The following ARHGAP10 variants were observed in gnomAD, a reference collection of about 807,000 sequenced individuals.
ARHGAP10 encodes rho GTPase-activating protein 10.
Under a neutral mutation model 108.6 loss-of-function variants are expected in ARHGAP10, and 87 were observed. That is an observed-to-expected ratio of 0.80 (90% confidence interval 0.67 to 0.96). The LOEUF (loss-of-function observed/expected upper bound fraction) is 0.96, where lower values mean the gene tolerates loss of function less well. Ranked by LOEUF, ARHGAP10 falls within the 40% of genes least tolerant of loss-of-function variation. ARHGAP10 has a pLI of 0.00. For synonymous variants in ARHGAP10, 347 were observed against 341.1 expected (o/e 1.02, Z -0.19); for missense variants, 939 against 954.5 (o/e 0.98, Z 0.21).
At chr4:148,002,006 A>G (rs1311073224) in intron 18 of ARHGAP10, among the ~76,000 whole-genome samples, 1 of 152,176 alleles carries the variant, frequency 6.6e-6, no homozygotes, top group Non-Finnish European at 1.5e-5. Flanking sequence ...TTCAAAGGGA[A>G]TGCTTCCAGT....
intron 3 of ARHGAP10, among the ~76,000 whole-genome samples, chr4:147,824,094 C>T (rs896214205): frequency 2.1e-4 from 32 of 151,648 alleles, no homozygotes; most frequent in African/African-American, 5.8e-4. Context: ...CTGAGGCAGG[C>T]GAGTCACCTG....
chr4:147,955,718 A>T (rs960205637), intron 16 of ARHGAP10, among the ~76,000 whole-genome samples: 2 of 152,160 alleles, frequency 1.3e-5, no homozygotes, highest in African/African-American at 4.8e-5. Flanking sequence ...ATGCTGAGGG[A>T]ACACAGAAGT....
intron 1 of ARHGAP10, among the ~76,000 whole-genome samples, chr4:147,821,352 G>A (rs1732492987): frequency 1.3e-5 from 2 of 152,190 alleles, no homozygotes; most frequent in South Asian, 4.1e-4. Context: ...TGCCTGCAAG[G>A]AGGGCTGGAG....
At chr4:148,038,292 CAT>C (rs1728471036) in intron 19 of ARHGAP10, among the ~76,000 whole-genome samples, 1 of 152,138 alleles carries the variant, frequency 6.6e-6, no homozygotes, top group South Asian at 2.1e-4. Flanking sequence ...ATTTTATTGT[CAT>C]AGTATTTGCC....
intron 1 of ARHGAP10, among the ~76,000 whole-genome samples, chr4:147,741,470 T>A (rs1728653005): frequency 6.6e-6 from 1 of 152,052 alleles, no homozygotes; most frequent in Admixed American, 6.6e-5. Flanking sequence ...AAGAGAAAAA[T>A]GATGTTTGTA....
chr4:147,804,129 T>C (rs780927571), intron 1 of ARHGAP10, among the ~76,000 whole-genome samples: 1 of 152,116 alleles, frequency 6.6e-6, no homozygotes, highest in Non-Finnish European at 1.5e-5. Context: ...AATAGGTAGT[T>C]TGTTTTTGAT....
intron 8 of ARHGAP10, among the ~76,000 whole-genome samples, chr4:147,876,150 G>A (rs1735048759): frequency 1.3e-5 from 2 of 152,146 alleles, no homozygotes; most frequent in African/African-American, 4.8e-5. Context: ...GGATGGTTGT[G>A]CCTTTTCCAT....
At chr4:147,760,973 G>C (rs943058836) in intron 1 of ARHGAP10, among the ~76,000 whole-genome samples, 1 of 151,810 alleles carries the variant, frequency 6.6e-6, no homozygotes, top group Non-Finnish European at 1.5e-5. Flanking sequence ...AAAAGAGCTG[G>C]TTGTAGGTAA....
At chr4:148,069,224 T>C (rs1730044081) in intron 22 of ARHGAP10, among the ~76,000 whole-genome samples, 1 of 152,146 alleles carries the variant, frequency 6.6e-6, no homozygotes, top group Non-Finnish European at 1.5e-5. Context: ...GAGCCACTTT[T>C]CCTGTGCTTG....
chr4:147,760,147 C>T (rs1293436101), intron 1 of ARHGAP10, among the ~76,000 whole-genome samples: 1 of 152,176 alleles, frequency 6.6e-6, no homozygotes, highest in Non-Finnish European at 1.5e-5. Context: ...AACCTTGCTG[C>T]TTCCCTGTAT....
intron 3 of ARHGAP10, among the ~76,000 whole-genome samples, chr4:147,845,501 C>T (rs373327910): frequency 6.6e-6 from 1 of 152,142 alleles, no homozygotes; most frequent in Admixed American, 6.5e-5. Context: ...GGAGAAGCAC[C>T]TCTTTGGTAC....
chr4:147,739,738 CTTT>C (rs772201824), intron 1 of ARHGAP10, among the ~76,000 whole-genome samples: 4 of 137,598 alleles, frequency 2.9e-5, no homozygotes, highest in African/African-American at 2.7e-5. Context: ...ATATCTTGGG[CTTT>C]TTTTTTTTTT....
At chr4:147,732,528 C>A (rs555706895) in intron 1 of ARHGAP10, 73 bp downstream of exon 1, 1 of 1,582,874 alleles carries the variant, frequency 6.3e-7, no homozygotes, top group Non-Finnish European at 8.6e-7. Flanking sequence ...CGGCAGGAGA[C>A]GGAGGGTCTT....
intron 18 of ARHGAP10, among the ~76,000 whole-genome samples, chr4:148,021,920 G>A (rs1294719813): frequency 1.3e-5 from 2 of 152,122 alleles, no homozygotes; most frequent in Admixed American, 1.3e-4. Context: ...TACACATGAG[G>A]GGGCAGTATG....
chr4:147,899,862 T>G (rs997587945), intron 10 of ARHGAP10, among the ~76,000 whole-genome samples: 1 of 142,196 alleles, frequency 7.0e-6, no homozygotes, highest in Non-Finnish European at 1.5e-5. Flanking sequence ...AGGGCAGAAC[T>G]TGTTACGTGC....
rs567031015 is a variant in ARHGAP10 at position 147,880,442 on chromosome 4, C to T, written c.939+1104C>T. Among the ~76,000 whole-genome samples, 9 of 152,286 alleles carry T rather than the reference C, an allele frequency of 5.9e-5. No homozygotes were observed. The East Asian group carries it at 1.5e-3, about 26-fold the overall frequency. On this transcript the variant is annotated intron_variant, in intron 9 of 22. Transcript: ENST00000336498. ...AGTGAGGAGATGGCTCTTGAAGCAT[C>T]AGGTTTGAGACTGAGTTTCCTGTCA...
At chr4:147,823,361 T>G (rs1301624036) in intron 3 of ARHGAP10, among the ~76,000 whole-genome samples, 3 of 152,198 alleles carry the variant, frequency 2.0e-5, no homozygotes, top group Admixed American at 6.5e-5. Context: ...TGACTCATAC[T>G]CCTGTAGATT....
At chr4:147,915,506 G>T (rs1158050682) in intron 13 of ARHGAP10, among the ~76,000 whole-genome samples, 1 of 152,152 alleles carries the variant, frequency 6.6e-6, no homozygotes, top group African/African-American at 2.4e-5. Flanking sequence ...AATAGATGCA[G>T]ATCTATCTAG....
intron 4 of ARHGAP10, among the ~76,000 whole-genome samples, chr4:147,852,773 G>C (rs1733926028): frequency 1.5e-5 from 2 of 131,926 alleles, no homozygotes; most frequent in South Asian, 5.0e-4. Context: ...GGCTGGAGTA[G>C]AATGGCATGA....
Sources: allele counts gnomAD v4.1 joint callset (sites outside exome capture counted in the v4.1 genomes callset), GRCh38; gene constraint gnomAD v4.1.1; transcripts MANE v1.5; gene names NCBI Gene and HGNC (gene_info 2026-07-23, HGNC 2026-07-21).